The following APPBP2 variants were observed in gnomAD, a reference collection of about 807,000 sequenced individuals.
APPBP2 encodes the protein amyloid protein-binding protein 2.
In APPBP2, 15 loss-of-function variants were observed where a neutral mutation model predicts 76.0. The observed-to-expected ratio is 0.20, with a 90% CI of 0.13 to 0.30. The LOEUF is 0.30. APPBP2 is among the 10% of genes least tolerant of loss of function. The probability of loss-of-function intolerance (pLI) is 1.00; values close to 1 mark genes in which losing one functional copy is unlikely to be tolerated. For missense variants in APPBP2, 401 were observed against 687.2 expected (o/e 0.58, Z 4.66); for synonymous variants, 222 against 242.2 (o/e 0.92, Z 0.77).
At chr17:60,524,610 GAAAAAAAAA>G (rs35185909) in intron 1 of APPBP2, among the ~76,000 whole-genome samples, 8,734 of 50,090 alleles carry the variant, frequency 0.17, 1,115 homozygotes, top group African/African-American at 0.37. Flanking sequence ...TGCTAATTCT[GAAAAAAAAA>G]AAAAAAAAAA....
At chr17:60,467,845 G>A (rs2090522889) in intron 4 of APPBP2, among the ~76,000 whole-genome samples, 1 of 152,044 alleles carries the variant, frequency 6.6e-6, no homozygotes, top group African/African-American at 2.4e-5. Context: ...CCCCTGAGAA[G>A]GGATGGGGGG....
At chr17:60,460,118 A>C (rs529893576) in intron 9 of APPBP2, 1 of 152,388 alleles carries the variant, frequency 6.6e-6, no homozygotes, top group East Asian at 1.9e-4. Context: ...TACTCAAAAC[A>C]TAAGTTATAT....
intron 1 of APPBP2, among the ~76,000 whole-genome samples, chr17:60,510,907 T>C (rs2090906748): frequency 6.6e-6 from 1 of 152,230 alleles, no homozygotes; most frequent in Non-Finnish European, 1.5e-5. Flanking sequence ...CCATTTATGA[T>C]GATGATGTCA....
In APPBP2 at chr17:60,510,195, G is replaced by C. The variant is rs570101052; in HGVS notation, c.139-9708C>G. 2.0e-5 allele frequency among the ~76,000 whole-genome samples: 3 copies of C among 152,030 alleles called. No homozygotes were observed. In the East Asian group the frequency reaches 5.8e-4, roughly 29 times the overall value. ...AGACAAGAGGATTGCTTGAGACCAGGAGTTTGAGACCAGCCGGGGCAATGT... is the reference window on the plus strand; with the variant it reads ...AGACAAGAGGATTGCTTGAGACCAGCAGTTTGAGACCAGCCGGGGCAATGT... On this transcript the variant is annotated intron_variant, in intron 1 of 12. Coordinates refer to ENST00000083182, the MANE Select transcript of APPBP2 (RefSeq NM_006380.5).
At chr17:60,505,892 C>T (rs1406616830) in intron 1 of APPBP2, among the ~76,000 whole-genome samples, 1 of 150,926 alleles carries the variant, frequency 6.6e-6, no homozygotes, top group Admixed American at 6.6e-5. Flanking sequence ...CCATGTTGGC[C>T]AGGCTGTTCT....
At chr17:60,479,091 T>C (rs922543003) in intron 4 of APPBP2, 57 bp downstream of exon 4, 1 of 1,553,800 alleles carries the variant, frequency 6.4e-7, no homozygotes. Flanking sequence ...GAGCTAAAAC[T>C]ATAAAAGCCA....
chr17:60,511,481 A>C (rs199745977), intron 1 of APPBP2, among the ~76,000 whole-genome samples: 1 of 152,060 alleles, frequency 6.6e-6, no homozygotes, highest in South Asian at 2.1e-4. Flanking sequence ...GCTACTCAGC[A>C]GACTGAGGCA....
chr17:60,513,997 TAAAAAAAAAAA>T (rs35785295), intron 1 of APPBP2, among the ~76,000 whole-genome samples: 2 of 108,578 alleles, frequency 1.8e-5, no homozygotes, highest in Admixed American at 2.0e-4. Flanking sequence ...TTCCCCACAT[TAAAAAAAAAAA>T]AAAAAAAAAA....
At chr17:60,523,629 G>A (rs780335631) in intron 1 of APPBP2, among the ~76,000 whole-genome samples, 6 of 152,144 alleles carry the variant, frequency 3.9e-5, no homozygotes, top group African/African-American at 1.2e-4. Flanking sequence ...AGGAGTTCAA[G>A]ACCAGCTTGG....
At chr17:60,498,706 T>C (rs1408816665) in intron 2 of APPBP2, among the ~76,000 whole-genome samples, 2 of 152,170 alleles carry the variant, frequency 1.3e-5, no homozygotes, top group Non-Finnish European at 2.9e-5. Flanking sequence ...ATAATTGTAT[T>C]TAATATGTTC....
chr17:60,524,261 CCT>C (rs2091032467), intron 1 of APPBP2, among the ~76,000 whole-genome samples: 2 of 152,084 alleles, frequency 1.3e-5, no homozygotes, highest in South Asian at 4.1e-4. Flanking sequence ...CCAATGATTT[CCT>C]CTGAGAGATT....
intron 5 of APPBP2, 34 bp from the exon 6 acceptor site, chr17:60,464,144 T>C: frequency 6.5e-7 from 1 of 1,530,530 alleles, no homozygotes; most frequent in Non-Finnish European, 8.9e-7. Flanking sequence ...GACAGAACTG[T>C]GGTTAAATCA....
chr17:60,488,390 G>C (rs1385755486), intron 3 of APPBP2, among the ~76,000 whole-genome samples: 1 of 152,150 alleles, frequency 6.6e-6, no homozygotes, highest in Non-Finnish European at 1.5e-5. Context: ...AAGTATTATG[G>C]TAAATAAAAC....
At chr17:60,469,376 G>T (rs2143344953) in intron 4 of APPBP2, among the ~76,000 whole-genome samples, 1 of 150,380 alleles carries the variant, frequency 6.6e-6, no homozygotes, top group East Asian at 1.9e-4. Context: ...AAAGGGGAGA[G>T]CTGCATAATG....
intron 1 of APPBP2, among the ~76,000 whole-genome samples, chr17:60,514,606 T>C (rs895508291): frequency 5.3e-5 from 8 of 152,234 alleles, no homozygotes; most frequent in African/African-American, 1.7e-4. Flanking sequence ...GATTAGCATA[T>C]GGTTGTTTTC....
intron 9 of APPBP2, 39 bp from the exon 10 acceptor site, chr17:60,456,420 G>A (rs748962268): frequency 7.8e-7 from 1 of 1,288,752 alleles, no homozygotes; most frequent in Non-Finnish European, 1.1e-6. Context: ...TTTCTTTTTA[G>A]TTACAAATGA....
At chr17:60,515,673 C>T in intron 1 of APPBP2, among the ~76,000 whole-genome samples, 1 of 152,192 alleles carries the variant, frequency 6.6e-6, no homozygotes, top group East Asian at 1.9e-4. Context: ...TATTATACAT[C>T]CAGTTTCCAA....
Position 60,505,676 on chromosome 17 carries a change from G to GTTTTTTTTTTTTTTTTTTT in APPBP2, c.139-5208_139-5190dup, listed in dbSNP as rs1170935393. Reference sequence around the variant, plus strand: ...TCCTAAAAGCCACCTGACCCCTGCGGTTTTTTTTTTTTTTTTTTTTTTTTT... The same window carrying GTTTTTTTTTTTTTTTTTTT: ...TCCTAAAAGCCACCTGACCCCTGCGGTTTTTTTTTTTTTTTTTTTTTTTTTTTTTTTTTTTTTTTTTTTT... On this transcript the variant is annotated intron_variant, in intron 1 of 12. Transcript: ENST00000083182. 7.0e-5 allele frequency among the ~76,000 whole-genome samples: 6 copies of GTTTTTTTTTTTTTTTTTTT among 85,716 alleles called. 2 individuals are homozygous for GTTTTTTTTTTTTTTTTTTT. Among genetic ancestry groups the GTTTTTTTTTTTTTTTTTTT allele is most frequent in the African/African-American group, 3.9e-4 (5 of 12,974 alleles). 56.2% of individuals were successfully genotyped at this position (85,716 alleles called of 152,430 possible).
intron 12 of APPBP2, among the ~76,000 whole-genome samples, chr17:60,450,239 T>C (rs9674768): frequency 0.21 from 30,930 of 150,546 alleles, 10,523 homozygotes; most frequent in African/African-American, 0.71. Flanking sequence ...GAGATTGAGA[T>C]CATCCTGGCC....
Sources: allele counts gnomAD v4.1 joint callset (sites outside exome capture counted in the v4.1 genomes callset), GRCh38; gene constraint gnomAD v4.1.1; transcripts MANE v1.5; gene names NCBI Gene and HGNC (gene_info 2026-07-23, HGNC 2026-07-21).